MAGI2: variants seen among roughly 807,000 people sequenced by gnomAD.
MAGI2 encodes the protein membrane associated guanylate kinase, WW and PDZ domain containing 2.
Under a neutral mutation model 133.3 loss-of-function variants are expected in MAGI2, and 35 were observed. That is an observed-to-expected ratio of 0.26 (90% CI 0.20 to 0.35). The LOEUF (loss-of-function observed/expected upper bound fraction) is 0.35. Among genes scored for constraint, MAGI2 ranks in the 10% least tolerant of loss-of-function variants. The probability of loss-of-function intolerance (pLI) is 1.00; values close to 1 mark genes in which losing one functional copy is unlikely to be tolerated. For missense variants in MAGI2, 1,636 were observed against 1,863.4 expected (o/e 0.88, Z 2.25); for synonymous variants, 729 against 710.6 (o/e 1.03, Z -0.41).
intron 7 of MAGI2, among the ~76,000 whole-genome samples, chr7:78,363,463 A>G (rs1164110484): frequency 6.8e-6 from 1 of 146,472 alleles, no homozygotes; most frequent in Non-Finnish European, 1.5e-5. Context: ...ACTGCACTCC[A>G]GCCTCGGTGA....
At chr7:78,712,044 C>T (rs323135) in intron 2 of MAGI2, among the ~76,000 whole-genome samples, 39,270 of 152,030 alleles carry the variant, frequency 0.26, 5,969 homozygotes, top group African/African-American at 0.4. Context: ...CAGGTCAACT[C>T]TAGGTTAAAA....
intron 2 of MAGI2, among the ~76,000 whole-genome samples, chr7:78,829,455 G>T (rs949341723): frequency 4.6e-5 from 7 of 151,906 alleles, no homozygotes; most frequent in African/African-American, 1.7e-4. Flanking sequence ...AAAGAGCACT[G>T]GTAGGATGCA....
At chr7:79,418,923 A>G (rs1212717318) in intron 1 of MAGI2, among the ~76,000 whole-genome samples, 1 of 151,042 alleles carries the variant, frequency 6.6e-6, no homozygotes, top group Non-Finnish European at 1.5e-5. Context: ...TTACAAGCTC[A>G]TACATTTTAT....
intron 1 of MAGI2, among the ~76,000 whole-genome samples, chr7:79,187,089 G>C (rs1827239919): frequency 6.6e-6 from 1 of 151,194 alleles, no homozygotes; most frequent in African/African-American, 2.4e-5. Context: ...ACTACTTGTG[G>C]GAAATTAGTA....
At chr7:79,213,225 T>G (rs1221529853) in intron 1 of MAGI2, among the ~76,000 whole-genome samples, 1 of 151,002 alleles carries the variant, frequency 6.6e-6, no homozygotes, top group Non-Finnish European at 1.5e-5. Context: ...TATATATATA[T>G]GTGTGTGTGT....
chr7:78,048,432 T>C (rs1811655612), intron 21 of MAGI2, among the ~76,000 whole-genome samples: 3 of 152,190 alleles, frequency 2.0e-5, no homozygotes, highest in Admixed American at 6.5e-5. Flanking sequence ...CTCTCTCACC[T>C]TCTTCCTCGT....
intron 1 of MAGI2, among the ~76,000 whole-genome samples, chr7:79,136,085 GAAAGAAAGAAA>G (rs1562929303): frequency 7.2e-6 from 1 of 138,228 alleles, no homozygotes; most frequent in Non-Finnish European, 1.5e-5. Flanking sequence ...AAGAAAGAAA[GAAAGAAAGAAA>G]GAAAGAAAGA....
chr7:79,436,184 C>G (rs536160891), intron 1 of MAGI2, among the ~76,000 whole-genome samples: 1 of 146,102 alleles, frequency 6.8e-6, no homozygotes, highest in South Asian at 2.2e-4. Flanking sequence ...GAGATCGTGC[C>G]ACTACACTCC....
At chr7:79,266,233 C>A (rs1400514052) in intron 1 of MAGI2, among the ~76,000 whole-genome samples, 1 of 109,520 alleles carries the variant, frequency 9.1e-6, no homozygotes, top group African/African-American at 3.4e-5. Context: ...TCCCTCCCTG[C>A]CCACCCCACC....
In MAGI2 at chr7:78,116,882, A is replaced by G. The variant is rs570458099; in HGVS notation, c.3567+8812T>C. Among the ~76,000 whole-genome samples, 46 of 152,220 alleles carry G rather than the reference A, an allele frequency of 3.0e-4. No homozygotes were observed. In the South Asian group the frequency reaches 9.5e-3, roughly 32 times the overall value. ...GACAAAGAAAGATCCTGTCTCAAAA[A>G]TGAAATAAGATAAAAATAAAAATGA... On this transcript the variant is annotated intron_variant, in intron 20 of 21. Transcript: ENST00000354212.
intron 2 of MAGI2, among the ~76,000 whole-genome samples, chr7:78,759,049 C>T (rs531135181): frequency 1.3e-5 from 2 of 152,228 alleles, no homozygotes; most frequent in South Asian, 4.1e-4. Flanking sequence ...TTGCTTAAGG[C>T]ACTCATCCAC....
rs376433585 is a variant in MAGI2, at chr7:78,135,786, C to T, written c.2846-580G>A. 2.0e-5 allele frequency among the ~76,000 whole-genome samples: 3 copies of T among 152,264 alleles called. No individual in the cohort carries two copies. In the East Asian group the frequency reaches 5.8e-4, roughly 29 times the overall value. On this transcript the variant is annotated intron_variant, in intron 16 of 21. Coordinates refer to ENST00000354212, the MANE Select transcript of MAGI2 (RefSeq NM_012301.4). ...CCACTTGGTAAAGAAGTTATAACCA[C>T]CTTCCCACTCATGTACTAAGCTATA...
chr7:79,447,431 T>A (rs1014356802), intron 1 of MAGI2, among the ~76,000 whole-genome samples: 3 of 152,036 alleles, frequency 2.0e-5, no homozygotes, highest in Non-Finnish European at 2.9e-5. Flanking sequence ...TATAGCCAGA[T>A]TATAGCTAGG....
At chr7:78,691,202 G>A (rs1816919015) in intron 2 of MAGI2, among the ~76,000 whole-genome samples, 1 of 152,124 alleles carries the variant, frequency 6.6e-6, no homozygotes, top group Non-Finnish European at 1.5e-5. Flanking sequence ...CCTTGAGCCT[G>A]GGTTAGGTAC....
intron 3 of MAGI2, chr7:78,568,136 C>T (rs1467719347): frequency 6.6e-6 from 1 of 152,208 alleles, no homozygotes; most frequent in Non-Finnish European, 1.5e-5. Flanking sequence ...CTGGCTTCTT[C>T]TCTTCTCTCC....
chr7:79,094,566 A>G (rs962461971), intron 1 of MAGI2, among the ~76,000 whole-genome samples: 2 of 152,224 alleles, frequency 1.3e-5, no homozygotes, highest in African/African-American at 2.4e-5. Flanking sequence ...GCCCAGGTCC[A>G]TTAATGGAAA....
intron 1 of MAGI2, among the ~76,000 whole-genome samples, chr7:79,089,882 T>C (rs141820202): frequency 0.037 from 5,657 of 152,006 alleles, 227 homozygotes; most frequent in African/African-American, 0.1. Context: ...TTAGGAGAAA[T>C]ACCTAATGTA....
chr7:79,298,039 A>C (rs1837080915), intron 1 of MAGI2, among the ~76,000 whole-genome samples: 1 of 152,272 alleles, frequency 6.6e-6, no homozygotes, highest in East Asian at 1.9e-4. Flanking sequence ...TCCTGAGTGG[A>C]CTTATGATAT....
intron 1 of MAGI2, among the ~76,000 whole-genome samples, chr7:79,213,846 G>C (rs1490771465): frequency 6.6e-6 from 1 of 151,800 alleles, no homozygotes; most frequent in Admixed American, 6.6e-5. Flanking sequence ...TCCCTTTCTG[G>C]AGTTTATTCT....
Sources: allele counts gnomAD v4.1 joint callset (sites outside exome capture counted in the v4.1 genomes callset), GRCh38; gene constraint gnomAD v4.1.1; transcripts MANE v1.5; gene names NCBI Gene and HGNC (gene_info 2026-07-23, HGNC 2026-07-21).